Variants in AP3B1 observed in about 807,000 individuals in gnomAD.
AP3B1 encodes the protein AP-3 complex subunit beta-1.
In AP3B1, 61 loss-of-function variants were observed where a neutral mutation model predicts 132.5. The ratio of observed to expected loss-of-function variants is 0.46; its 90% confidence interval spans 0.37 to 0.57. The LOEUF (loss-of-function observed/expected upper bound fraction) is 0.57. Ranked by LOEUF, AP3B1 falls within the 20% of genes least tolerant of loss-of-function variation. The pLI is 0.00. For synonymous variants in AP3B1, 388 were observed against 438.3 expected (o/e 0.89, Z 1.43); for missense variants, 1,120 against 1,289.4 (o/e 0.87, Z 2.01).
chr5:78,202,560 T>TGA (rs199978368), intron 7 of AP3B1, among the ~76,000 whole-genome samples: 102 of 66,090 alleles, frequency 1.5e-3, no homozygotes, highest in African/African-American at 5.8e-3. Context: ...TCAGTGTGTG[T>TGA]GTGTGTGTGT....
chr5:78,248,054 T>C (rs930473145), intron 2 of AP3B1, among the ~76,000 whole-genome samples: 1 of 152,184 alleles, frequency 6.6e-6, no homozygotes, highest in Admixed American at 6.5e-5. Context: ...TTTAAATGAA[T>C]CTCCTTTGTG....
At chr5:78,175,228 A>G (rs1396201356) in intron 11 of AP3B1, among the ~76,000 whole-genome samples, 1 of 152,200 alleles carries the variant, frequency 6.6e-6, no homozygotes, top group African/African-American at 2.4e-5. Flanking sequence ...GGCTGCACCC[A>G]CTGTCCAACC....
At chr5:78,005,146 G>A (rs756126651) in intron 26 of AP3B1, among the ~76,000 whole-genome samples, 2 of 152,076 alleles carry the variant, frequency 1.3e-5, no homozygotes, top group African/African-American at 2.4e-5. Flanking sequence ...CCACAGATTC[G>A]GTCATCACGT....
intron 22 of AP3B1, among the ~76,000 whole-genome samples, chr5:78,076,372 T>C (rs1749767603): frequency 6.6e-6 from 1 of 152,340 alleles, no homozygotes; most frequent in Non-Finnish European, 1.5e-5. Context: ...ATATGTGTAG[T>C]AAGGAATTTG....
intron 22 of AP3B1, among the ~76,000 whole-genome samples, chr5:78,041,396 G>GA (rs1280623610): frequency 6.6e-6 from 1 of 151,636 alleles, no homozygotes; most frequent in Admixed American, 6.6e-5. Context: ...TGTCTCTAGA[G>GA]AAAATGTAAA....
At chr5:78,225,463 T>A in intron 6 of AP3B1, 79 bp downstream of exon 6, 2 of 779,394 alleles carry the variant, frequency 2.6e-6, no homozygotes, top group Non-Finnish European at 4.2e-6. Flanking sequence ...AATACAACTA[T>A]ATAAAATATA....
At chr5:78,164,903 CTG>C (rs1446716867) in intron 12 of AP3B1, among the ~76,000 whole-genome samples, 2 of 151,992 alleles carry the variant, frequency 1.3e-5, no homozygotes, top group Non-Finnish European at 2.9e-5. Context: ...AAGAAAAACT[CTG>C]TGATTAGTGC....
At chr5:78,077,351 AC>A (rs1310157747) in intron 22 of AP3B1, among the ~76,000 whole-genome samples, 3 of 152,152 alleles carry the variant, frequency 2.0e-5, no homozygotes, top group Admixed American at 6.5e-5. Flanking sequence ...GTGCTGCGAT[AC>A]TGCCCCCCAT....
chr5:78,285,109 C>G (rs544650200), intron 1 of AP3B1, among the ~76,000 whole-genome samples: 38 of 151,270 alleles, frequency 2.5e-4, no homozygotes, highest in Middle Eastern at 3.4e-3. Context: ...ATTAGCTGGG[C>G]GTGGTGGAGG....
At chr5:78,066,862 C>T (rs539897720) in intron 22 of AP3B1, among the ~76,000 whole-genome samples, 58 of 152,156 alleles carry the variant, frequency 3.8e-4, no homozygotes, top group African/African-American at 1.3e-3. Context: ...AGACACTAAT[C>T]GTCAGATTTA....
chr5:78,182,192 C>G (rs942410973), intron 7 of AP3B1, among the ~76,000 whole-genome samples: 2 of 152,190 alleles, frequency 1.3e-5, no homozygotes, highest in African/African-American at 4.8e-5. Flanking sequence ...TCCAGAGGAG[C>G]TGATTCTAGG....
intron 15 of AP3B1, among the ~76,000 whole-genome samples, chr5:78,136,674 GTATT>G (rs1752923979): frequency 6.6e-6 from 1 of 150,830 alleles, no homozygotes; most frequent in Non-Finnish European, 1.5e-5. Context: ...TATCATTGTA[GTATT>G]TATTTGTTAA....
chr5:78,268,062 T>G (rs187293352), intron 1 of AP3B1, among the ~76,000 whole-genome samples: 3 of 152,276 alleles, frequency 2.0e-5, no homozygotes, highest in African/African-American at 7.2e-5. Flanking sequence ...ATTAAATAAT[T>G]AAAACACCTA....
Position 78,229,575 on chromosome 5 carries a change from C to CAAAAAAAAAA in AP3B1, c.280-1346_280-1337dup, listed in dbSNP as rs70997973. ...TGGTGAAATCCCATTTCTAGTAAAACAAAAAAAAAAAAAATTAGCCAGGCA... is the reference window on the plus strand; with the variant it reads ...TGGTGAAATCCCATTTCTAGTAAAACAAAAAAAAAAAAAAAAAAAAAAAATTAGCCAGGCA... On this transcript the variant is annotated intron_variant, in intron 3 of 26. Coordinates refer to ENST00000255194, the MANE Select transcript of AP3B1 (RefSeq NM_003664.5). 8.9e-5 allele frequency among the ~76,000 whole-genome samples: 12 copies of CAAAAAAAAAA among 134,364 alleles called. 1 individual carries two copies. The highest frequency in any genetic ancestry group is 2.4e-4 in the South Asian group (1 of 4,160). 88.1% of individuals were successfully genotyped at this position (134,364 alleles called of 152,430 possible). A position where few individuals can be genotyped will look rare whatever the true frequency, so the allele number is the denominator to read the frequency against.
intron 22 of AP3B1, among the ~76,000 whole-genome samples, chr5:78,058,364 G>A (rs2112138363): frequency 6.6e-6 from 1 of 152,210 alleles, no homozygotes. Context: ...GCCAGGCGTG[G>A]TGGCAGGCAC....
chr5:78,206,980 A>G (rs956936856), intron 7 of AP3B1, among the ~76,000 whole-genome samples: 1 of 151,992 alleles, frequency 6.6e-6, no homozygotes, highest in Non-Finnish European at 1.5e-5. Context: ...AAATTAGGCC[A>G]GGCACGGTGG....
chr5:78,265,928 T>C (rs147119351), intron 2 of AP3B1, among the ~76,000 whole-genome samples: 7 of 152,366 alleles, frequency 4.6e-5, no homozygotes, highest in Non-Finnish European at 1.5e-5. Flanking sequence ...CCTCTTTCAA[T>C]TATTCATTTC....
intron 7 of AP3B1, among the ~76,000 whole-genome samples, chr5:78,213,601 G>T (rs984987117): frequency 1.3e-5 from 2 of 152,016 alleles, no homozygotes; most frequent in Non-Finnish European, 2.9e-5. Flanking sequence ...TTACACAATC[G>T]ATGAATAATT....
At chr5:78,195,103 T>C (rs190060671) in intron 7 of AP3B1, among the ~76,000 whole-genome samples, 2 of 151,928 alleles carry the variant, frequency 1.3e-5, no homozygotes, top group East Asian at 1.9e-4. Flanking sequence ...GACCAATTTA[T>C]ACTGGAGAAG....
Sources: gnomAD v4.1 joint callset for allele counts (sites outside exome capture counted in the v4.1 genomes callset) on GRCh38, gnomAD v4.1.1 for gene constraint, MANE v1.5 for transcripts, NCBI Gene and HGNC (gene_info 2026-07-23, HGNC 2026-07-21) for gene names.